The following ANO10 variants were observed in gnomAD, a reference collection of about 807,000 sequenced individuals.
ANO10 encodes the protein anoctamin 10, also known as anoctamin-10.
In ANO10, 77 loss-of-function variants were observed where a neutral mutation model predicts 74.7. The observed-to-expected ratio is 1.03, with a 90% CI of 0.86 to 1.25. The LOEUF is 1.25. ANO10 is among the 50% of genes most tolerant of loss of function. The pLI, the probability that ANO10 is intolerant of heterozygous loss-of-function variation, is 0.00. For missense variants in ANO10, 721 were observed against 778.1 expected (o/e 0.93, Z 0.87); for synonymous variants, 279 against 284.9 (o/e 0.98, Z 0.21).
At chr3:43,526,870 G>A (rs2078219875) in intron 11 of ANO10, among the ~76,000 whole-genome samples, 1 of 101,402 alleles carries the variant, frequency 9.9e-6, no homozygotes, top group African/African-American at 2.9e-5. Context: ...GTTCTCTTAG[G>A]GTCTAAAATA....
At chr3:43,612,949 C>A (rs2082901873) in intron 1 of ANO10, among the ~76,000 whole-genome samples, 2 of 152,150 alleles carry the variant, frequency 1.3e-5, no homozygotes, top group Admixed American at 6.5e-5. Flanking sequence ...GGGTAGATCA[C>A]CTGAGGTCAG....
At chr3:43,407,524 G>A (rs1233675182) in intron 12 of ANO10, among the ~76,000 whole-genome samples, 1 of 152,208 alleles carries the variant, frequency 6.6e-6, no homozygotes, top group Admixed American at 6.5e-5. Context: ...TCAAGCAGCA[G>A]TGCATGTACC....
chr3:43,671,343 T>G (rs903045292), intron 1 of ANO10, among the ~76,000 whole-genome samples: 1 of 152,150 alleles, frequency 6.6e-6, no homozygotes, highest in Non-Finnish European at 1.5e-5. Flanking sequence ...CAGTCAAAGC[T>G]GATAAGCACA....
chr3:43,479,509 A>T (rs1201641955), intron 11 of ANO10, among the ~76,000 whole-genome samples: 1 of 152,214 alleles, frequency 6.6e-6, no homozygotes, highest in Admixed American at 6.5e-5. Flanking sequence ...ATGAAATGTG[A>T]TTGGTACATC....
upstream of ANO10, among the ~76,000 whole-genome samples, chr3:43,623,278 G>C (rs2083458383): frequency 6.6e-6 from 1 of 152,142 alleles, no homozygotes. Flanking sequence ...TTTTATTACA[G>C]TCTATTTTTA....
intron 11 of ANO10, among the ~76,000 whole-genome samples, chr3:43,434,700 T>C (rs892635672): frequency 5.3e-5 from 8 of 152,150 alleles, no homozygotes; most frequent in Non-Finnish European, 1.2e-4. Flanking sequence ...ATGTAAGGCA[T>C]CTGGAAGGTG....
intron 12 of ANO10, among the ~76,000 whole-genome samples, chr3:43,421,127 G>C (rs1465490435): frequency 6.6e-6 from 1 of 152,186 alleles, no homozygotes; most frequent in Non-Finnish European, 1.5e-5. Flanking sequence ...GGAGGCTGAG[G>C]TGGGAGAATT....
intron 11 of ANO10, among the ~76,000 whole-genome samples, chr3:43,526,221 C>T (rs1383227224): frequency 2.0e-5 from 3 of 152,270 alleles, no homozygotes; most frequent in Admixed American, 6.5e-5. Flanking sequence ...GAATTAGCAA[C>T]ATGTTAATTG....
At chr3:43,678,823 T>A (rs2084156811) in intron 1 of ANO10, among the ~76,000 whole-genome samples, 1 of 152,060 alleles carries the variant, frequency 6.6e-6, no homozygotes, top group African/African-American at 2.4e-5. Flanking sequence ...TGTAAAATAC[T>A]TTTCTTTATG....
chr3:43,624,103 TC>T (rs1559796208), upstream of ANO10, among the ~76,000 whole-genome samples: 3 of 152,218 alleles, frequency 2.0e-5, no homozygotes, highest in African/African-American at 7.2e-5. Context: ...ATTAAAACTT[TC>T]TGTTAAGTAT....
intron 11 of ANO10, among the ~76,000 whole-genome samples, chr3:43,470,782 A>G (rs2075826225): frequency 6.6e-6 from 1 of 151,670 alleles, no homozygotes; most frequent in African/African-American, 2.4e-5. Flanking sequence ...GCATCTCACC[A>G]CACACACAGC....
At chr3:43,652,039 G>A (rs2083793307) in intron 1 of ANO10, among the ~76,000 whole-genome samples, 1 of 151,238 alleles carries the variant, frequency 6.6e-6, no homozygotes, top group Non-Finnish European at 1.5e-5. Context: ...TTGGGTCAGA[G>A]GATTTAATAT....
intron 11 of ANO10, among the ~76,000 whole-genome samples, chr3:43,510,659 C>T (rs985267400): frequency 9.2e-5 from 14 of 152,090 alleles, no homozygotes; most frequent in African/African-American, 3.1e-4. Context: ...TCTCAATAAA[C>T]ATTTAAATTT....
chr3:43,603,453 G>A (rs567805789), intron 2 of ANO10, among the ~76,000 whole-genome samples: 2 of 152,020 alleles, frequency 1.3e-5, no homozygotes, highest in South Asian at 4.2e-4. Flanking sequence ...ATTTTACTGA[G>A]TGCTTTTTTC....
At chr3:43,495,080 C>T (rs560180544) in intron 11 of ANO10, among the ~76,000 whole-genome samples, 1 of 151,732 alleles carries the variant, frequency 6.6e-6, no homozygotes, top group African/African-American at 2.4e-5. Context: ...ACAAAAAGGT[C>T]AGTGAAATAG....
At chr3:43,641,138 T>C (rs2083666519) in intron 1 of ANO10, among the ~76,000 whole-genome samples, 1 of 152,232 alleles carries the variant, frequency 6.6e-6, no homozygotes, top group Non-Finnish European at 1.5e-5. Context: ...ATTGTTCTTA[T>C]AGTTGAGGAT....
chr3:43,675,682 AATCACTACACACCC>A (rs1455596819), intron 1 of ANO10, among the ~76,000 whole-genome samples: 10 of 152,170 alleles, frequency 6.6e-5, no homozygotes, highest in East Asian at 1.9e-4. Flanking sequence ...TTGTGACTTT[AATCACTACACACCC>A]ATCACTACAC....
At chr3:43,393,384 C>A (rs1371983360) in intron 12 of ANO10, among the ~76,000 whole-genome samples, 1 of 152,188 alleles carries the variant, frequency 6.6e-6, no homozygotes, top group Non-Finnish European at 1.5e-5. Context: ...ATTTTGACCA[C>A]CTTCACATAA....
At chr3:43,574,488 C>A (rs2080902286) in intron 7 of ANO10, among the ~76,000 whole-genome samples, 1 of 152,096 alleles carries the variant, frequency 6.6e-6, no homozygotes, top group South Asian at 2.1e-4. Flanking sequence ...CCAGGCTGGT[C>A]TCGAACTCTT....
Sources: allele counts gnomAD v4.1 joint callset (sites outside exome capture counted in the v4.1 genomes callset), GRCh38; gene constraint gnomAD v4.1.1; transcripts MANE v1.5; gene names NCBI Gene and HGNC (gene_info 2026-07-23, HGNC 2026-07-21).